The following PKHD1 variants were observed in gnomAD, a reference collection of about 807,000 sequenced individuals.
PKHD1 encodes the protein PKHD1 ciliary IPT domain containing fibrocystin/polyductin.
Under a neutral mutation model 412.0 loss-of-function variants are expected in PKHD1, and 291 were observed. The observed-to-expected ratio is 0.71, with a 90% CI of 0.64 to 0.78. The LOEUF (loss-of-function observed/expected upper bound fraction) is 0.78. Among genes scored for constraint, PKHD1 ranks in the 30% least tolerant of loss-of-function variants. The pLI, the probability that PKHD1 is intolerant of heterozygous loss-of-function variation, is 0.00. For missense variants in PKHD1, 4,825 were observed against 4,950.7 expected (o/e 0.97, Z 0.76); for synonymous variants, 1,777 against 1,821.5 (o/e 0.98, Z 0.62).
chr6:51,621,843 C>T (rs1336338492), intron 66 of PKHD1: 1 of 152,134 alleles, frequency 6.6e-6, no homozygotes, highest in South Asian at 2.1e-4. Flanking sequence ...AGATCTCAGA[C>T]AAATTAGATA....
intron 53 of PKHD1, among the ~76,000 whole-genome samples, chr6:51,782,428 C>G (rs1293213173): frequency 6.6e-6 from 1 of 152,112 alleles, no homozygotes; most frequent in East Asian, 1.9e-4. Context: ...TCTCCAAGCA[C>G]AGAAATGAGT....
rs535219397 is a variant in PKHD1, at chr6:51,896,917, T to C, written c.6996+6680A>G. 2.0e-5 allele frequency among the ~76,000 whole-genome samples: 3 copies of C among 152,122 alleles called. No individual in the cohort carries two copies. The East Asian group carries it at 5.8e-4, about 29-fold the overall frequency. ...CAACTGGAAGAAAGGGTATCAGCGA[T>C]GGAAGATGAAGTGAATGAAATGAAG... On this transcript the variant is annotated intron_variant, in intron 43 of 66. Transcript: ENST00000371117.
chr6:51,721,472 C>T, intron 60 of PKHD1: 3 of 830,610 alleles, frequency 3.6e-6, no homozygotes, highest in African/African-American at 3.7e-5. Flanking sequence ...GGCTTCTCTA[C>T]CATATTATTT....
chr6:51,668,004 G>A (rs971184910), intron 60 of PKHD1, among the ~76,000 whole-genome samples: 1 of 152,070 alleles, frequency 6.6e-6, no homozygotes, highest in African/African-American at 2.4e-5. Context: ...TGTTCTTTTG[G>A]CTTAGGATTG....
At position 51,855,915 on chromosome 6, in the gene PKHD1, AG is replaced by A. The variant is rs1583053996; in HGVS notation, c.7888del (p.Leu2630PhefsTer37). 6.2e-7 allele frequency: 1 copy of A among 1,613,850 alleles called. No individual in the cohort carries two copies. The highest frequency in any genetic ancestry group is 8.5e-7 in the Non-Finnish European group (1 of 1,179,700). ...TACCTGCAGAGATCTGTTGATCCAA[AG>A]GTTCTCAGATTGCAATGAGTAGGTC... ...QETYSLQSENLWINRSLQYSA... is the reference protein window; with the variant it reads ...QETYSLQSENXWINRSLQYSA... On this transcript the variant is annotated frameshift_variant, in exon 49 of 67. Transcript: ENST00000371117. LOFTEE classifies it high-confidence loss of function.
intron 53 of PKHD1, among the ~76,000 whole-genome samples, chr6:51,779,731 C>T (rs1035210878): frequency 6.6e-6 from 1 of 151,756 alleles, no homozygotes; most frequent in African/African-American, 2.4e-5. Flanking sequence ...ATCAACAGAA[C>T]TACAAGGACA....
chr6:51,861,365 G>C (rs1774161944), intron 48 of PKHD1, among the ~76,000 whole-genome samples: 1 of 152,154 alleles, frequency 6.6e-6, no homozygotes, highest in Admixed American at 6.5e-5. Context: ...GTCCATATCT[G>C]TGTATTAAAG....
chr6:51,854,901 T>G (rs1014931898), intron 49 of PKHD1, among the ~76,000 whole-genome samples: 8 of 152,210 alleles, frequency 5.3e-5, no homozygotes, highest in Middle Eastern at 3.2e-3. Context: ...TCTCCTGAGC[T>G]CCAAACTGGG....
intron 37 of PKHD1, among the ~76,000 whole-genome samples, chr6:51,913,755 C>A (rs934921914): frequency 6.6e-6 from 1 of 152,060 alleles, no homozygotes; most frequent in African/African-American, 2.4e-5. Context: ...TGCATAAGCA[C>A]TTGTACCAAT....
chr6:51,983,249 T>C (rs1389768470), intron 35 of PKHD1, among the ~76,000 whole-genome samples: 3 of 152,240 alleles, frequency 2.0e-5, no homozygotes, highest in Non-Finnish European at 4.4e-5. Flanking sequence ...AGGTGAGAAC[T>C]GCCTAGACTA....
intron 55 of PKHD1, among the ~76,000 whole-genome samples, chr6:51,769,288 T>A (rs1335297695): frequency 6.6e-6 from 1 of 151,572 alleles, no homozygotes; most frequent in Non-Finnish European, 1.5e-5. Context: ...GAGCCAAATG[T>A]ATTTTTGGAG....
rs529591411 is a variant in PKHD1, at chr6:51,782,731, T to C, written c.8441-6810A>G. ...AGTTAAATCTGAAGGAGGACATACT[T>C]TTTTAACTTTGTATATTTTTTTAAA... is the stretch of plus-strand genomic sequence containing the variant. On this transcript the variant is annotated intron_variant, in intron 53 of 66. Transcript: ENST00000371117. Among the ~76,000 whole-genome samples the C allele has an allele frequency of 7.2e-5, 11 of 152,282 alleles. No homozygotes were observed. In the East Asian group the frequency reaches 1.7e-3, roughly 24 times the overall value.
At chr6:52,084,067 A>G (rs1321034628) in intron 2 of PKHD1, among the ~76,000 whole-genome samples, 4 of 152,304 alleles carry the variant, frequency 2.6e-5, no homozygotes, top group African/African-American at 7.2e-5. Flanking sequence ...CTATCCCTCC[A>G]TCTTTGAAGA....
Position 51,648,115 on chromosome 6 carries a change from G to A in PKHD1, c.11314C>T (p.Arg3772Ter), listed in dbSNP as rs199839578. Residue 3772 changes from arginine to a stop codon, truncating the protein, a stop_gained, in exon 63 of 67, where the codon CGA becomes TGA. Coordinates refer to ENST00000371117, the MANE Select transcript of PKHD1 (RefSeq NM_138694.4). LOFTEE classifies it high-confidence loss of function. ...GGAGGTCCCAGGGACTCTACTCTTC[G>A]ATTCTAGAAATGGGAATAGGAGGAG... is the stretch of plus-strand genomic sequence containing the variant. ...PQLVFLDEQN[R>*]RVESLGPPSE... The A allele has an allele frequency of 6.3e-6, 10 of 1,580,332 alleles. No homozygotes were observed. The highest frequency in any genetic ancestry group is 2.2e-5 in the East Asian group (1 of 44,724).
At chr6:51,842,917 T>A (rs1382865760) in intron 50 of PKHD1, among the ~76,000 whole-genome samples, 1 of 152,162 alleles carries the variant, frequency 6.6e-6, no homozygotes, top group South Asian at 2.1e-4. Flanking sequence ...ACCTTTTGCA[T>A]AAGTCAAGCC....
chr6:51,741,039 G>A, intron 60 of PKHD1: 2 of 513,410 alleles, frequency 3.9e-6, no homozygotes, highest in Middle Eastern at 3.4e-4. Context: ...AGTAAATCGT[G>A]TGTAATATGA....
chr6:51,923,138 C>A (rs1034441544), intron 37 of PKHD1, among the ~76,000 whole-genome samples: 6 of 152,034 alleles, frequency 3.9e-5, no homozygotes, highest in Non-Finnish European at 2.9e-5. Flanking sequence ...AGGACATGGA[C>A]ATACATGGGT....
intron 37 of PKHD1, among the ~76,000 whole-genome samples, chr6:51,929,172 T>G (rs545747991): frequency 9.1e-4 from 139 of 152,242 alleles, no homozygotes; most frequent in Non-Finnish European, 1.6e-3. Flanking sequence ...GGAACTGTTA[T>G]GACATGAAAA....
At chr6:52,011,356 T>G (rs1326819084) in intron 34 of PKHD1, among the ~76,000 whole-genome samples, 1 of 152,236 alleles carries the variant, frequency 6.6e-6, no homozygotes, top group African/African-American at 2.4e-5. Context: ...TGTTTCATAT[T>G]TGTCAACAAT....
Sources: allele counts gnomAD v4.1 joint callset (sites outside exome capture counted in the v4.1 genomes callset), GRCh38; gene constraint gnomAD v4.1.1; transcripts MANE v1.5; gene names NCBI Gene and HGNC (gene_info 2026-07-23, HGNC 2026-07-21).